The following KLF12 variants were observed in gnomAD, a reference collection of about 807,000 sequenced individuals.
The protein encoded by KLF12 is KLF transcription factor 12.
A neutral mutation model predicts 37.8 loss-of-function variants in KLF12; 9 were observed. That is an observed-to-expected ratio of 0.24 (90% CI 0.14 to 0.42). KLF12 has a LOEUF of 0.42. Among genes scored for constraint, KLF12 ranks in the 10% least tolerant of loss-of-function variants. The pLI, the probability that KLF12 is intolerant of heterozygous loss-of-function variation, is 1.00. For missense variants in KLF12, 411 were observed against 516.0 expected, an observed-to-expected ratio of 0.80 and a Z score of 1.97; for synonymous variants, 208 against 202.1, an observed-to-expected ratio of 1.03 and a Z score of -0.25.
At chr13:74,001,269 C>T (rs1443022349) in intron 1 of KLF12, among the ~76,000 whole-genome samples, 2 of 152,230 alleles carry the variant, frequency 1.3e-5, no homozygotes, top group East Asian at 3.9e-4. Context: ...AATAGGGTGC[C>T]CATTTACCCA....
chr13:73,734,269 C>G (rs1045028087), intron 6 of KLF12, among the ~76,000 whole-genome samples: 1 of 152,176 alleles, frequency 6.6e-6, no homozygotes. Context: ...GACCCCTGCA[C>G]CACAGCTTCT....
At chr13:73,778,379 C>T (rs79902433) in intron 5 of KLF12, among the ~76,000 whole-genome samples, 14 of 152,100 alleles carry the variant, frequency 9.2e-5, no homozygotes, top group African/African-American at 3.1e-4. Flanking sequence ...TCAGGGTCTC[C>T]CTCTGTATGA....
intron 1 of KLF12, among the ~76,000 whole-genome samples, chr13:74,122,824 TG>T (rs1944711285): frequency 1.3e-5 from 2 of 152,058 alleles, no homozygotes; most frequent in South Asian, 4.1e-4. Flanking sequence ...AAACTGTGTA[TG>T]TGTTCCTAAC....
chr13:74,072,450 A>G (rs148079596), intron 1 of KLF12, among the ~76,000 whole-genome samples: 1,664 of 146,268 alleles, frequency 0.011, 23 homozygotes, highest in Middle Eastern at 0.025. Context: ...AAAATAGCAT[A>G]CAATCTGCCA....
chr13:73,770,101 T>C (rs1257298952), intron 5 of KLF12, among the ~76,000 whole-genome samples: 3 of 152,222 alleles, frequency 2.0e-5, no homozygotes, highest in Admixed American at 6.6e-5. Context: ...CTCAGTTTAC[T>C]ACATTTGCTG....
chr13:73,938,536 A>G (rs1890052201), intron 3 of KLF12, among the ~76,000 whole-genome samples: 1 of 152,140 alleles, frequency 6.6e-6, no homozygotes, highest in Non-Finnish European at 1.5e-5. Flanking sequence ...ATGAATCACC[A>G]CTTATTGAGC....
chr13:74,031,247 ATTC>A (rs1329513296), intron 1 of KLF12, among the ~76,000 whole-genome samples: 1 of 152,150 alleles, frequency 6.6e-6, no homozygotes, highest in Non-Finnish European at 1.5e-5. Flanking sequence ...GTGATTTAAA[ATTC>A]ATTCATGCAA....
At chr13:74,158,934 A>C in the KLF12 span, among the ~76,000 whole-genome samples, 1 of 152,190 alleles carries the variant, frequency 6.6e-6, no homozygotes, top group Admixed American at 6.5e-5. Context: ...AATGTTTTTA[A>C]AGTTAAAAGA....
intron 3 of KLF12, among the ~76,000 whole-genome samples, chr13:73,926,021 T>C (rs1889357958): frequency 6.6e-6 from 1 of 152,162 alleles, no homozygotes; most frequent in Non-Finnish European, 1.5e-5. Flanking sequence ...TTAGATGGAA[T>C]CTACTCCAGG....
chr13:73,962,097 G>A (rs1488967240), intron 2 of KLF12: 1 of 440,250 alleles, frequency 2.3e-6, no homozygotes, highest in African/African-American at 2.0e-5. Flanking sequence ...TAGGTGAATG[G>A]ATAAACTGTG....
chr13:73,785,818 G>T (rs552887097), intron 5 of KLF12, among the ~76,000 whole-genome samples: 1 of 152,140 alleles, frequency 6.6e-6, no homozygotes, highest in East Asian at 1.9e-4. Flanking sequence ...TTATCTGCTG[G>T]ATGCCATGCA....
chr13:73,966,506 C>A (rs1157257788), intron 2 of KLF12, among the ~76,000 whole-genome samples: 1 of 152,148 alleles, frequency 6.6e-6, no homozygotes, highest in Non-Finnish European at 1.5e-5. Context: ...GTCATGAAAT[C>A]TCTGTTCCTT....
chr13:74,294,792 C>T, the KLF12 span, among the ~76,000 whole-genome samples: 1 of 152,184 alleles, frequency 6.6e-6, no homozygotes, highest in Non-Finnish European at 1.5e-5. Context: ...CCCACAGGCG[C>T]TGCCTCAGCT....
chr13:73,840,079 G>C (rs1235471701), intron 4 of KLF12, among the ~76,000 whole-genome samples: 3 of 151,984 alleles, frequency 2.0e-5, no homozygotes, highest in African/African-American at 7.3e-5. Context: ...CCATTCCACT[G>C]ACACACTGCA....
At chr13:74,082,803 A>T (rs1423785265) in intron 1 of KLF12, among the ~76,000 whole-genome samples, 1 of 152,180 alleles carries the variant, frequency 6.6e-6, no homozygotes, top group Non-Finnish European at 1.5e-5. Flanking sequence ...TTTTTCCATG[A>T]TTAAACAAAC....
chr13:74,090,931 G>GAAA (rs375301861), intron 1 of KLF12, among the ~76,000 whole-genome samples: 38 of 138,668 alleles, frequency 2.7e-4, no homozygotes, highest in Middle Eastern at 7.5e-3. Context: ...AAACTACCTT[G>GAAA]AAAAAAAAAA....
chr13:74,071,707 A>G (rs1874262574), intron 1 of KLF12, among the ~76,000 whole-genome samples: 1 of 152,230 alleles, frequency 6.6e-6, no homozygotes, highest in Non-Finnish European at 1.5e-5. Flanking sequence ...AAGAAAAAAA[A>G]GAAATGACTG....
the KLF12 span, among the ~76,000 whole-genome samples, chr13:74,225,678 C>T: frequency 7.9e-5 from 12 of 152,028 alleles, no homozygotes; most frequent in South Asian, 2.1e-3. Context: ...AGAGCTCTGA[C>T]GTACAAACAG....
chr13:74,111,467 C>T (rs976052253), intron 1 of KLF12, among the ~76,000 whole-genome samples: 1 of 152,094 alleles, frequency 6.6e-6, no homozygotes, highest in Non-Finnish European at 1.5e-5. Context: ...TTTAAAATAT[C>T]TATAATCAAT....
Sources: gnomAD v4.1 joint callset for allele counts (sites outside exome capture counted in the v4.1 genomes callset) on GRCh38, gnomAD v4.1.1 for gene constraint, MANE v1.5 for transcripts, NCBI Gene and HGNC (gene_info 2026-07-23, HGNC 2026-07-21) for gene names.